Variants in ATP6V0D2 observed in about 807,000 individuals in gnomAD.
The protein encoded by ATP6V0D2 is V-type proton ATPase subunit d 2.
ATP6V0D2 carries 40 observed loss-of-function variants against 40.0 expected under a neutral mutation model. The observed-to-expected ratio is 1.00, with a 90% CI of 0.78 to 1.30. ATP6V0D2 has a LOEUF of 1.30. Ranked by LOEUF, ATP6V0D2 falls within the 50% of genes most tolerant of loss-of-function variation. The pLI, the probability that ATP6V0D2 is intolerant of heterozygous loss-of-function variation, is 0.00. For synonymous variants in ATP6V0D2, 179 were observed against 156.3 expected (o/e 1.15, Z -1.08); for missense variants, 470 against 423.1 (o/e 1.11, Z -0.97).
intron 1 of ATP6V0D2, among the ~76,000 whole-genome samples, chr8:86,102,126 G>A (rs1224208980): frequency 1.3e-5 from 2 of 152,186 alleles, no homozygotes; most frequent in Non-Finnish European, 2.9e-5. Flanking sequence ...ATTGCCTCCT[G>A]AGTATAAATT....
At chr8:86,139,376 A>G (rs1254755308) in intron 2 of ATP6V0D2, 81 bp from the exon 3 acceptor site, 9 of 1,226,116 alleles carry the variant, frequency 7.3e-6, no homozygotes, top group African/African-American at 3.0e-5. Context: ...GTGTACCTAA[A>G]GAGTGTGTGT....
chr8:86,151,672 G>A (rs1333690491), intron 7 of ATP6V0D2, 132 bp downstream of exon 7: 6 of 637,380 alleles, frequency 9.4e-6, no homozygotes, highest in Non-Finnish European at 1.6e-5. Flanking sequence ...TTGATAGTCA[G>A]TGATGTATTA....
intron 5 of ATP6V0D2, among the ~76,000 whole-genome samples, chr8:86,145,663 T>C (rs938055049): frequency 1.3e-5 from 2 of 152,206 alleles, no homozygotes; most frequent in African/African-American, 4.8e-5. Context: ...TGAAGCCCTA[T>C]CCTTTCTTTT....
intron 2 of ATP6V0D2, among the ~76,000 whole-genome samples, chr8:86,115,286 A>T (rs1377757451): frequency 2.6e-5 from 4 of 151,426 alleles, no homozygotes; most frequent in Admixed American, 2.6e-4. Context: ...AATGAAAAGA[A>T]TCCGCTTATC....
chr8:86,120,577 A>AT (rs1304957683), intron 2 of ATP6V0D2, among the ~76,000 whole-genome samples: 1 of 152,062 alleles, frequency 6.6e-6, no homozygotes, highest in East Asian at 1.9e-4. Context: ...AATTAAAAAA[A>AT]TTTTTTGTCA....
chr8:86,146,073 C>A (rs890707980), intron 5 of ATP6V0D2, among the ~76,000 whole-genome samples: 13 of 152,162 alleles, frequency 8.5e-5, no homozygotes, highest in African/African-American at 3.1e-4. Flanking sequence ...ATGTGCTTAT[C>A]CACTCTGCCA....
chr8:86,137,392 C>T lies in ATP6V0D2; in HGVS notation c.303-2065C>T, dbSNP rs369359965. ...ATCCCTCTGAATTTCCTTCAAGGTCCTTAAAAGCTGGGGTTCCCCAGAGTT... is the reference window on the plus strand; with the variant it reads ...ATCCCTCTGAATTTCCTTCAAGGTCTTTAAAAGCTGGGGTTCCCCAGAGTT... On this transcript the variant is annotated intron_variant, in intron 2 of 7. Transcript: ENST00000285393. Among the ~76,000 whole-genome samples the T allele has an allele frequency of 3.3e-4, 51 of 152,260 alleles. 1 individual carries two copies. Among genetic ancestry groups the T allele is most frequent in the African/African-American group, 1.1e-3 (47 of 41,550 alleles).
At chr8:86,147,896 T>G (rs1586105209) in intron 5 of ATP6V0D2, among the ~76,000 whole-genome samples, 1 of 152,244 alleles carries the variant, frequency 6.6e-6, no homozygotes, top group East Asian at 1.9e-4. Flanking sequence ...TCAGATAACC[T>G]ACTGTATCAG....
chr8:86,150,051 G>A, intron 5 of ATP6V0D2, 61 bp from the exon 6 acceptor site: 3 of 1,462,992 alleles, frequency 2.1e-6, no homozygotes, highest in East Asian at 2.3e-5. Context: ...GTGCACTTAA[G>A]AGTCTGTTTA....
chr8:86,130,070 G>A (rs982073461), intron 2 of ATP6V0D2, among the ~76,000 whole-genome samples: 8 of 151,560 alleles, frequency 5.3e-5, no homozygotes, highest in Middle Eastern at 3.4e-3. Context: ...ATCCCACTTC[G>A]GTCTTATTTC....
chr8:86,113,909 C>A (rs1347165095), intron 2 of ATP6V0D2, 29 bp downstream of exon 2: 3 of 1,585,310 alleles, frequency 1.9e-6, no homozygotes, highest in Admixed American at 3.5e-5. Context: ...CCCTAATAAG[C>A]CCCAATGTAC....
chr8:86,150,565 G>C (rs7011725), intron 6 of ATP6V0D2, among the ~76,000 whole-genome samples: 1 of 151,980 alleles, frequency 6.6e-6, no homozygotes. Flanking sequence ...GATAAAGCAA[G>C]TTCCCCCAGG....
chr8:86,151,159 A>G (rs2129646841), intron 6 of ATP6V0D2, among the ~76,000 whole-genome samples: 1 of 152,302 alleles, frequency 6.6e-6, no homozygotes, highest in East Asian at 1.9e-4. Flanking sequence ...ACATTCACTG[A>G]GCTTCTATAA....
intron 5 of ATP6V0D2, among the ~76,000 whole-genome samples, chr8:86,149,294 CTG>C (rs1387580511): frequency 6.6e-6 from 1 of 151,906 alleles, no homozygotes; most frequent in East Asian, 1.9e-4. Flanking sequence ...AACCAAGAGA[CTG>C]TAGAAACATG....
intron 1 of ATP6V0D2, among the ~76,000 whole-genome samples, chr8:86,110,251 C>A (rs1818514426): frequency 6.6e-6 from 1 of 152,142 alleles, no homozygotes; most frequent in Admixed American, 6.6e-5. Context: ...CACACCACCA[C>A]ACCCAACTAA....
At chr8:86,125,717 G>GA (rs1818732162) in intron 2 of ATP6V0D2, among the ~76,000 whole-genome samples, 1 of 151,820 alleles carries the variant, frequency 6.6e-6, no homozygotes, top group African/African-American at 2.4e-5. Flanking sequence ...TTTTCCTTGT[G>GA]AAAAATGTTT....
At chr8:86,123,375 A>G (rs546164003) in intron 2 of ATP6V0D2, among the ~76,000 whole-genome samples, 5 of 152,188 alleles carry the variant, frequency 3.3e-5, no homozygotes, top group Admixed American at 2.0e-4. Context: ...GCTTATTTGT[A>G]TGTTTTTACT....
chr8:86,148,528 G>T (rs891650525), intron 5 of ATP6V0D2, among the ~76,000 whole-genome samples: 2 of 152,142 alleles, frequency 1.3e-5, no homozygotes, highest in African/African-American at 4.8e-5. Flanking sequence ...CAGCTTTCAC[G>T]TGCATATAGA....
At chr8:86,104,095 T>C (rs1466718509) in intron 1 of ATP6V0D2, among the ~76,000 whole-genome samples, 1 of 152,178 alleles carries the variant, frequency 6.6e-6, no homozygotes, top group Non-Finnish European at 1.5e-5. Context: ...CCCAAAGTGC[T>C]GGGATTACAG....
Sources: allele counts gnomAD v4.1 joint callset (sites outside exome capture counted in the v4.1 genomes callset), GRCh38; gene constraint gnomAD v4.1.1; transcripts MANE v1.5; gene names NCBI Gene and HGNC (gene_info 2026-07-23, HGNC 2026-07-21).